Variants in RACGAP1 observed in about 807,000 individuals in gnomAD.
The protein encoded by RACGAP1 is rac GTPase-activating protein 1.
Under a neutral mutation model 78.1 loss-of-function variants are expected in RACGAP1, and 30 were observed. The observed-to-expected ratio is 0.38, with a 90% CI of 0.29 to 0.52. The LOEUF is 0.52. Ranked by LOEUF, RACGAP1 falls within the 20% of genes least tolerant of loss-of-function variation. RACGAP1 has a pLI of 0.82. For missense variants in RACGAP1, 587 were observed against 777.1 expected, an observed-to-expected ratio of 0.76 and a Z score of 2.91; for synonymous variants, 231 against 264.8, an observed-to-expected ratio of 0.87 and a Z score of 1.24.
chr12:50,001,871 G>T (rs1948695585), intron 6 of RACGAP1, among the ~76,000 whole-genome samples: 1 of 152,012 alleles, frequency 6.6e-6, no homozygotes, highest in African/African-American at 2.4e-5. Context: ...TTCAAGACCA[G>T]CCTGGCCAAC....
intron 1 of RACGAP1, chr12:50,031,870 A>C (rs1020290453): frequency 2.9e-6 from 1 of 343,754 alleles, no homozygotes; most frequent in Non-Finnish European, 4.1e-6. Context: ...TTGCTCATCT[A>C]TAAATGGAAA....
chr12:50,025,638 G>T (rs1950248606), upstream of RACGAP1: 2 of 781,002 alleles, frequency 2.6e-6, no homozygotes, highest in African/African-American at 1.9e-5. Context: ...TGGCCATTTT[G>T]ACTAATGTCA....
intron 1 of RACGAP1, chr12:50,019,809 A>C (rs955297858): frequency 6.6e-6 from 1 of 152,184 alleles, no homozygotes; most frequent in Non-Finnish European, 1.5e-5. Context: ...TGACTCATCT[A>C]TAAAGTGAAA....
At chr12:50,003,846 C>T (rs796123233) in intron 5 of RACGAP1, among the ~76,000 whole-genome samples, 1 of 152,300 alleles carries the variant, frequency 6.6e-6, no homozygotes, top group Non-Finnish European at 1.5e-5. Context: ...TCCCCAAGAA[C>T]CAAACTAATT....
intron 1 of RACGAP1, among the ~76,000 whole-genome samples, chr12:50,032,747 C>A (rs1469357154): frequency 6.6e-6 from 1 of 152,154 alleles, no homozygotes; most frequent in Non-Finnish European, 1.5e-5. Context: ...GGTGCAGTAT[C>A]CGGTTATTTA....
At chr12:49,991,361 T>C (rs1490198627) in intron 15 of RACGAP1, among the ~76,000 whole-genome samples, 1 of 147,572 alleles carries the variant, frequency 6.8e-6, no homozygotes, top group Non-Finnish European at 1.5e-5. Flanking sequence ...TGTTAATACC[T>C]ACTAGAACAT....
At chr12:50,018,773 T>TA (rs34737379) in intron 1 of RACGAP1, among the ~76,000 whole-genome samples, 6 of 151,692 alleles carry the variant, frequency 4.0e-5, no homozygotes, top group East Asian at 1.9e-4. Context: ...ACTGGTTGTT[T>TA]AAAAAAAAGC....
At chr12:49,992,689 A>G (rs1192429067) in intron 12 of RACGAP1, 34 bp from the exon 13 acceptor site, 6 of 1,555,556 alleles carry the variant, frequency 3.9e-6, no homozygotes, top group Non-Finnish European at 5.3e-6. Context: ...AGAGGCCTAG[A>G]CTTCTTTCCC....
chr12:50,001,202 T>G lies in RACGAP1; in HGVS notation c.600A>C (p.Lys200Asn), dbSNP rs1290224444. ...CTACTGCAGAGCCAATGGAACGAGTTTTCTTTACAGGTCCAGGGGGACCAT... is the reference window on the plus strand; with the variant it reads ...CTACTGCAGAGCCAATGGAACGAGTGTTCTTTACAGGTCCAGGGGGACCAT... ...FVDGPPGPVK[K>N]TRSIGSAVDQ... Residue 200 changes from lysine (K) to asparagine (N), a missense_variant, in exon 7 of 17, where the codon AAA becomes AAC. Lys to Asn is a moderately conservative substitution (Grantham distance 94, BLOSUM62 0). Transcript: ENST00000312377. 1.2e-6 allele frequency: 2 copies of G among 1,611,728 alleles called. No homozygotes were observed. Among genetic ancestry groups the G allele is most frequent in the Non-Finnish European group, 1.7e-6 (2 of 1,177,852 alleles).
chr12:49,992,743 T>C lies in RACGAP1; in HGVS notation c.1340-88A>G, dbSNP rs1592129562. The C allele has an allele frequency of 1.4e-5, 13 of 930,112 alleles. 1 individual carries two copies. In the East Asian group the frequency reaches 3.0e-4, roughly 21 times the overall value. The allele number at this position is 930,112 out of a possible 1,614,324, so 57.6% of individuals were successfully genotyped here. On this transcript the variant is annotated intron_variant, in intron 12 of 16. Transcript: ENST00000312377. ...GTTATCGACCACAAAGTCTCATCTATACAGTAAGCTTCTGAAACTCCTGAT... is the reference window on the plus strand; with the variant it reads ...GTTATCGACCACAAAGTCTCATCTACACAGTAAGCTTCTGAAACTCCTGAT...
intron 2 of RACGAP1, among the ~76,000 whole-genome samples, chr12:50,013,256 T>C (rs1391036408): frequency 2.0e-5 from 3 of 152,164 alleles, no homozygotes; most frequent in African/African-American, 4.8e-5. Context: ...CAAAGTATTT[T>C]CACAACTAAT....
intron 2 of RACGAP1, among the ~76,000 whole-genome samples, chr12:50,013,714 A>T (rs1008440104): frequency 2.0e-5 from 3 of 152,142 alleles, no homozygotes; most frequent in Non-Finnish European, 2.9e-5. Context: ...CTGTCGCCTG[A>T]TCTAAAATAC....
Position 49,989,461 on chromosome 12 carries a change from T to C in RACGAP1, c.*807A>G, listed in dbSNP as rs1947697427. 1.3e-5 allele frequency: 2 copies of C among 152,200 alleles called. No homozygotes were observed. Among genetic ancestry groups the C allele is most frequent in the South Asian group, 4.1e-4 (2 of 4,836 alleles). The allele number at this position is 152,200 out of a possible 1,614,324, so 9.4% of individuals were successfully genotyped here. On this transcript the variant is annotated 3_prime_UTR_variant, in exon 17 of 17. Transcript: ENST00000312377. ...TTAGTTGGGATGCCAAAGGATGATA[T>C]ATTGACCTTTAGAAGTTGGGCTCCA...
At chr12:50,014,041 A>C (rs1371814500) in intron 2 of RACGAP1, among the ~76,000 whole-genome samples, 2 of 152,238 alleles carry the variant, frequency 1.3e-5, no homozygotes, top group Non-Finnish European at 2.9e-5. Flanking sequence ...GAGAAAATAG[A>C]ATATTGTTTT....
upstream of RACGAP1, among the ~76,000 whole-genome samples, chr12:50,030,393 A>G (rs2137777602): frequency 1.3e-5 from 2 of 150,990 alleles, no homozygotes; most frequent in African/African-American, 4.9e-5. Context: ...ATTCCATAAT[A>G]TATGTACAGT....
intron 1 of RACGAP1, among the ~76,000 whole-genome samples, chr12:50,017,267 A>G (rs1470307556): frequency 6.6e-6 from 1 of 152,262 alleles, no homozygotes; most frequent in East Asian, 1.9e-4. Context: ...GCTCAGCAGC[A>G]CAAGAATTAT....
chr12:49,996,942 A>T (rs969921152), intron 10 of RACGAP1, 98 bp downstream of exon 10: 1 of 1,375,046 alleles, frequency 7.3e-7, no homozygotes, highest in African/African-American at 1.5e-5. Context: ...GGAAAGAAAT[A>T]TATTTGAGAT....
chr12:50,025,537 T>C (rs1459322448), upstream of RACGAP1: 1 of 985,422 alleles, frequency 1.0e-6, no homozygotes, highest in South Asian at 4.7e-5. Flanking sequence ...TCCCGCGCCG[T>C]CCCTCTACGG....
intron 1 of RACGAP1, among the ~76,000 whole-genome samples, chr12:50,018,048 C>A (rs1425524042): frequency 4.0e-5 from 6 of 151,344 alleles, no homozygotes; most frequent in African/African-American, 1.5e-4. Context: ...ATTCCAGCTA[C>A]TTGGGAGGCT....
Sources: gnomAD v4.1 joint callset for allele counts (sites outside exome capture counted in the v4.1 genomes callset) on GRCh38, gnomAD v4.1.1 for gene constraint, MANE v1.5 for transcripts, NCBI Gene and HGNC (gene_info 2026-07-23, HGNC 2026-07-21) for gene names.